ZNF345: variants seen among roughly 807,000 people sequenced by gnomAD.
ZNF345 encodes zinc finger protein HZF10.
For missense variants in ZNF345, 527 were observed against 589.9 expected (o/e 0.89, Z 1.10); for synonymous variants, 166 against 187.9 (o/e 0.88, Z 0.95).
intron 2 of ZNF345, among the ~76,000 whole-genome samples, chr19:36,860,148 G>A (rs2072516649): frequency 6.6e-6 from 1 of 151,992 alleles, no homozygotes; most frequent in African/African-American, 2.4e-5. Context: ...TAGTAGAGAT[G>A]GGGTTTCACC....
chr19:36,877,750 TTCACACTG>T lies in ZNF345; in HGVS notation c.921_928del (p.Ile307MetfsTer2). ...TCAGATCTCACTCAGCATCAGAGAATTCACACTGGTGAGAAACCCTATGAGTGTAAGGA... is the reference window on the plus strand; with the variant it reads ...TCAGATCTCACTCAGCATCAGAGAATGTGAGAAACCCTATGAGTGTAAGGA... On this transcript the variant is annotated frameshift_variant, in exon 3 of 3. Transcript: ENST00000420450. LOFTEE classifies it low-confidence loss of function (END_TRUNC). The T allele has an allele frequency of 1.9e-6, 3 of 1,614,070 alleles. No individual in the cohort carries two copies. Among genetic ancestry groups the T allele is most frequent in the Non-Finnish European group, 2.5e-6 (3 of 1,180,000 alleles).
At chr19:36,869,823 G>A (rs558572755) in intron 2 of ZNF345, among the ~76,000 whole-genome samples, 15 of 150,846 alleles carry the variant, frequency 9.9e-5, no homozygotes, top group African/African-American at 2.2e-4. Context: ...ATGCAGTAGC[G>A]TGATCTCGGC....
intron 2 of ZNF345, among the ~76,000 whole-genome samples, chr19:36,853,828 C>G (rs974224297): frequency 6.6e-6 from 1 of 152,176 alleles, no homozygotes; most frequent in Non-Finnish European, 1.5e-5. Flanking sequence ...GTATTTGGAG[C>G]AAGTACACTT....
chr19:36,863,266 G>A (rs1292268507), intron 2 of ZNF345, among the ~76,000 whole-genome samples: 1 of 152,168 alleles, frequency 6.6e-6, no homozygotes, highest in East Asian at 1.9e-4. Context: ...TTCCTGGAAT[G>A]AGAAGATGTT....
intron 2 of ZNF345, among the ~76,000 whole-genome samples, chr19:36,855,746 C>T (rs1410558417): frequency 4.5e-5 from 2 of 44,242 alleles, no homozygotes; most frequent in African/African-American, 2.0e-4. Context: ...GCCACCGCAC[C>T]CGGCCCATGT....
At chr19:36,892,784 T>TA (rs376647993) in intron 3 of ZNF345, 4,245 of 393,932 alleles carry the variant, frequency 0.011, no homozygotes, top group Non-Finnish European at 0.014. Flanking sequence ...AGATTCTAAT[T>TA]AAAAAAAAAA....
chr19:36,876,532 A>C (rs2072884514), intron 2 of ZNF345, among the ~76,000 whole-genome samples: 1 of 152,224 alleles, frequency 6.6e-6, no homozygotes, highest in African/African-American at 2.4e-5. Context: ...TACTATTTTA[A>C]ATAAATATCT....
chr19:36,892,497 A>C, intron 3 of ZNF345: 1 of 1,533,950 alleles, frequency 6.5e-7, no homozygotes, highest in Non-Finnish European at 8.7e-7. Context: ...AAGGCAAATA[A>C]ATTTTCCTAT....
At chr19:36,880,985 A>G (rs2072964579), downstream of ZNF345, among the ~76,000 whole-genome samples, 1 of 152,200 alleles carries the variant, frequency 6.6e-6, no homozygotes, top group Non-Finnish European at 1.5e-5. Flanking sequence ...AAGAATAACT[A>G]CAACAAAAAC....
chr19:36,874,446 A>G (rs2072838128), intron 2 of ZNF345, among the ~76,000 whole-genome samples: 1 of 145,528 alleles, frequency 6.9e-6, no homozygotes, highest in Admixed American at 6.9e-5. Flanking sequence ...GTGAGCTGAG[A>G]TTGTGCCATT....
chr19:36,875,146 G>A (rs493482), intron 2 of ZNF345, among the ~76,000 whole-genome samples: 38,919 of 151,908 alleles, frequency 0.26, 7,379 homozygotes, highest in African/African-American at 0.53. Flanking sequence ...GCAGACAGAG[G>A]TTAAACAAGC....
At position 36,892,277 on chromosome 19, in the gene ZNF345, T is replaced by C. The variant is rs1039150679; in HGVS notation, c.47-541T>C. ...CCAAAATGAATTCTCTGATGTTGGA[T>C]AAATTGTGAGTTTTGATTAAAGGTC... On this transcript the variant is annotated intron_variant, in intron 3 of 3. Transcript: ENST00000526123. 1.9e-6 allele frequency: 3 copies of C among 1,613,968 alleles called. No individual in the cohort carries two copies. In the Admixed American group the frequency reaches 5.0e-5, roughly 27 times the overall value.
At chr19:36,853,734 C>T (rs1568348539) in intron 2 of ZNF345, among the ~76,000 whole-genome samples, 1 of 152,154 alleles carries the variant, frequency 6.6e-6, no homozygotes, top group Non-Finnish European at 1.5e-5. Context: ...ACATATATGT[C>T]TATGTCTATT....
At chr19:36,884,984 C>A (rs2072988844) in intron 3 of ZNF345, among the ~76,000 whole-genome samples, 1 of 152,078 alleles carries the variant, frequency 6.6e-6, no homozygotes, top group Non-Finnish European at 1.5e-5. Context: ...TTACTCTTTT[C>A]TATTGGCAGT....
At chr19:36,875,579 G>A (rs1190419724) in intron 2 of ZNF345, among the ~76,000 whole-genome samples, 1 of 152,172 alleles carries the variant, frequency 6.6e-6, no homozygotes, top group African/African-American at 2.4e-5. Context: ...AACAGTTCCA[G>A]GCTAAATATC....
chr19:36,873,162 C>CT (rs1355086301), intron 2 of ZNF345, among the ~76,000 whole-genome samples: 1 of 151,790 alleles, frequency 6.6e-6, no homozygotes, highest in Admixed American at 6.6e-5. Flanking sequence ...ACTTTTTTCA[C>CT]TTAATATTTC....
downstream of ZNF345, among the ~76,000 whole-genome samples, chr19:36,881,508 C>T (rs2072968151): frequency 6.6e-6 from 1 of 152,000 alleles, no homozygotes; most frequent in Admixed American, 6.6e-5. Context: ...GGGAAAAAAA[C>T]CCTGTAGCCA....
At chr19:36,892,595 G>A (rs919130102) in intron 3 of ZNF345, 1 of 1,014,684 alleles carries the variant, frequency 9.9e-7, no homozygotes, top group Non-Finnish European at 1.4e-6. Flanking sequence ...CAAAGGTGGA[G>A]AGGCAATCTG....
intron 3 of ZNF345, among the ~76,000 whole-genome samples, chr19:36,886,782 T>C (rs2073000834): frequency 1.3e-5 from 2 of 150,484 alleles, no homozygotes; most frequent in African/African-American, 2.5e-5. Context: ...GGTCAGGAGA[T>C]CGAGACCATC....
Sources: gnomAD v4.1 joint callset for allele counts (sites outside exome capture counted in the v4.1 genomes callset) on GRCh38, gnomAD v4.1.1 for gene constraint, MANE v1.5 for transcripts, NCBI Gene and HGNC (gene_info 2026-07-23, HGNC 2026-07-21) for gene names.